SUSD4: variants seen among roughly 807,000 people sequenced by gnomAD.
SUSD4 encodes sushi domain-containing protein 4.
In SUSD4, 41 loss-of-function variants were observed where a neutral mutation model predicts 50.5. The ratio of observed to expected loss-of-function variants is 0.81; its 90% CI spans 0.63 to 1.05. The LOEUF (loss-of-function observed/expected upper bound fraction) is 1.05, where lower values mean the gene tolerates loss of function less well. Among genes scored for constraint, SUSD4 ranks in the 50% least tolerant of loss-of-function variants. SUSD4 has a pLI of 0.00. For missense variants in SUSD4, 580 were observed against 634.7 expected (o/e 0.91, Z 0.93); for synonymous variants, 257 against 257.3 (o/e 1.00, Z 0.01).
chr1:223,317,869 T>A (rs1666312271), intron 2 of SUSD4, among the ~76,000 whole-genome samples: 6 of 127,816 alleles, frequency 4.7e-5, no homozygotes, highest in African/African-American at 1.1e-4. Context: ...TTTTTTTTTT[T>A]ATTATACTCT....
chr1:223,264,071 G>A (rs2103072494), intron 5 of SUSD4: 1 of 985,454 alleles, frequency 1.0e-6, no homozygotes, highest in Non-Finnish European at 1.2e-6. Flanking sequence ...GACTCCGCCA[G>A]TGGAAGCCCT....
chr1:223,352,544 G>A (rs968168948), intron 2 of SUSD4, among the ~76,000 whole-genome samples: 1 of 152,142 alleles, frequency 6.6e-6, no homozygotes, highest in Non-Finnish European at 1.5e-5. Flanking sequence ...CCGAGAAGAG[G>A]CTGCAGCAAG....
At chr1:223,301,682 C>A (rs1380778874) in intron 2 of SUSD4, among the ~76,000 whole-genome samples, 2 of 152,128 alleles carry the variant, frequency 1.3e-5, no homozygotes, top group Non-Finnish European at 2.9e-5. Flanking sequence ...CATCAATAAC[C>A]CTTTATGCTG....
chr1:223,257,618 A>G (rs1020972118), intron 5 of SUSD4, among the ~76,000 whole-genome samples: 17 of 152,250 alleles, frequency 1.1e-4, no homozygotes, highest in Non-Finnish European at 2.2e-4. Flanking sequence ...TATGACCAGT[A>G]ATTCAAAATC....
intron 5 of SUSD4, among the ~76,000 whole-genome samples, chr1:223,248,404 A>G (rs994555973): frequency 6.6e-6 from 1 of 152,152 alleles, no homozygotes; most frequent in African/African-American, 2.4e-5. Flanking sequence ...TCTAATCATC[A>G]AAACTGCCAT....
At chr1:223,314,486 T>G (rs1455720513) in intron 2 of SUSD4, among the ~76,000 whole-genome samples, 1 of 152,020 alleles carries the variant, frequency 6.6e-6, no homozygotes, top group Non-Finnish European at 1.5e-5. Flanking sequence ...CAGAAAGATT[T>G]CAAAAATAGG....
Position 223,350,324 on chromosome 1 carries a change from A to T in SUSD4, c.148+12954T>A, listed in dbSNP as rs1445990109. 5.9e-5 allele frequency among the ~76,000 whole-genome samples: 9 copies of T among 152,202 alleles called. 1 individual carries two copies. The highest frequency in any genetic ancestry group is 2.4e-5 in the African/African-American group (1 of 41,452). On this transcript the variant is annotated intron_variant, in intron 2 of 8. Transcript: ENST00000366878. ...CCTTGAACATAGTTAAGCGCTCAATAAATTATTGTTGAACAAATGTAAGAG... is the reference window on the plus strand; with the variant it reads ...CCTTGAACATAGTTAAGCGCTCAATTAATTATTGTTGAACAAATGTAAGAG...
Position 223,264,133 on chromosome 1 carries a change from T to C in SUSD4, c.724+497A>G, listed in dbSNP as rs575344099. ...ATTAGTGGTCTTTCGTGAATCACAA[T>C]CTATAGTCATAGAGATTTAATAAAA... On this transcript the variant is annotated intron_variant, in intron 5 of 8. Coordinates refer to ENST00000366878, the MANE Select transcript of SUSD4 (RefSeq NM_017982.4). 1,360 of 985,400 alleles carry C rather than the reference T, an allele frequency of 1.4e-3. 16 individuals are homozygous for C. The African/African-American group carries it at 0.022, about 16-fold the overall frequency. The allele number at this position is 985,400 out of a possible 1,614,324, so 61.0% of individuals were successfully genotyped here.
intron 2 of SUSD4, among the ~76,000 whole-genome samples, chr1:223,342,477 G>A (rs541302624): frequency 3.9e-5 from 6 of 152,286 alleles, no homozygotes; most frequent in African/African-American, 1.4e-4. Context: ...AAAATGAAGA[G>A]TAATGAGTGG....
chr1:223,324,747 C>T (rs1666775962), intron 2 of SUSD4, among the ~76,000 whole-genome samples: 1 of 151,562 alleles, frequency 6.6e-6, no homozygotes, highest in Admixed American at 6.6e-5. Context: ...ATACCACCCA[C>T]AACAGCACTT....
chr1:223,340,134 G>A (rs1667674939), intron 2 of SUSD4, among the ~76,000 whole-genome samples: 1 of 152,176 alleles, frequency 6.6e-6, no homozygotes, highest in African/African-American at 2.4e-5. Flanking sequence ...ATTGTGGCTG[G>A]TGCCATGGGC....
At chr1:223,224,187 G>C (rs1032554901) in intron 7 of SUSD4, among the ~76,000 whole-genome samples, 1 of 152,118 alleles carries the variant, frequency 6.6e-6, no homozygotes, top group African/African-American at 2.4e-5. Context: ...AAATAAAAAT[G>C]TTAGCCACAT....
At position 223,363,478 on chromosome 1, in the gene SUSD4, A is replaced by C. The variant is rs1451657495; in HGVS notation, c.-35-18T>G. ...GCAAGAGTCTGCAACCAGAAGCGGA[A>C]CACCACAATAAGCCAGTCTGTCCGG... On this transcript the variant is annotated intron_variant, in intron 1 of 8. Coordinates refer to ENST00000366878, the MANE Select transcript of SUSD4 (RefSeq NM_017982.4). 12 of 1,478,336 alleles carry C rather than the reference A, an allele frequency of 8.1e-6. No individual in the cohort carries two copies. The highest frequency in any genetic ancestry group is 2.8e-5 in the African/African-American group (2 of 72,016). The allele number at this position is 1,478,336 out of a possible 1,614,324, so 91.6% of individuals were successfully genotyped here.
chr1:223,364,350 T>C (rs1402444682), upstream of SUSD4: 9 of 24,824 alleles, frequency 3.6e-4, no homozygotes, highest in South Asian at 0.013. The surrounding 1 kb of genome is among the most constrained non-coding windows in gnomAD (Gnocchi z 4.5). Flanking sequence ...AGAGAGGGAG[T>C]GGGTGGGGAC....
At chr1:223,242,661 A>G (rs534650120) in intron 5 of SUSD4, among the ~76,000 whole-genome samples, 4 of 152,248 alleles carry the variant, frequency 2.6e-5, no homozygotes, top group Non-Finnish European at 5.9e-5. Context: ...GAATAACCAC[A>G]GGCATGTTAG....
At chr1:223,353,631 C>G (rs917920280) in intron 2 of SUSD4, among the ~76,000 whole-genome samples, 1 of 152,192 alleles carries the variant, frequency 6.6e-6, no homozygotes, top group Non-Finnish European at 1.5e-5. Context: ...CCAGAGAACA[C>G]TGAATCTTTG....
chr1:223,222,148 CT>C lies in SUSD4; in HGVS notation c.*43del. The C allele has an allele frequency of 6.2e-7, 1 of 1,604,816 alleles. No individual in the cohort carries two copies. Among genetic ancestry groups the C allele is most frequent in the Non-Finnish European group, 8.5e-7 (1 of 1,175,680 alleles). ...TGACCTCACTCCAAGATACAAGGTC[CT>C]TTCCCCGAAGGAGCAGGAGAGTCAT... On this transcript the variant is annotated 3_prime_UTR_variant, in exon 9 of 9. Transcript: ENST00000366878.
chr1:223,278,419 C>A (rs999290285), intron 3 of SUSD4, among the ~76,000 whole-genome samples: 1 of 152,222 alleles, frequency 6.6e-6, no homozygotes, highest in African/African-American at 2.4e-5. Flanking sequence ...GAGATTATAT[C>A]CCACGCATGA....
rs991920714 is a variant in SUSD4, at chr1:223,229,112, C to CAGCTT, written c.916+80_916+84dup. ...GACACTGGGTGGGGGAGGAGAGATA[C>CAGCTT]AGCTTGGTACATAACCACCACCCAC... is the stretch of plus-strand genomic sequence containing the variant. On this transcript the variant is annotated intron_variant, in intron 6 of 8. Coordinates refer to ENST00000366878, the MANE Select transcript of SUSD4 (RefSeq NM_017982.4). This position sits in a 1 kb window ranked among gnomAD's most constrained non-coding sequence, Gnocchi z 4.7. 63 of 1,352,294 alleles carry CAGCTT rather than the reference C, an allele frequency of 4.7e-5. No homozygotes were observed. The African/African-American group carries it at 7.5e-4, about 16-fold the overall frequency. The allele number at this position is 1,352,294 out of a possible 1,614,324, so 83.8% of individuals were successfully genotyped here. A position where few individuals can be genotyped will look rare whatever the true frequency, so the allele number is the denominator to read the frequency against.
Sources: gnomAD v4.1 joint callset for allele counts (sites outside exome capture counted in the v4.1 genomes callset) on GRCh38, gnomAD v4.1.1 for gene constraint, Gnocchi (gnomAD v3.1) non-coding constraint, MANE v1.5 for transcripts, NCBI Gene and HGNC (gene_info 2026-07-23, HGNC 2026-07-21) for gene names.